The following LMNTD1 variants were observed in gnomAD, a reference collection of about 807,000 sequenced individuals.
The protein encoded by LMNTD1 is lamin tail domain containing 1, also known as lamin tail domain-containing protein 1.
LMNTD1 carries 35 observed loss-of-function variants against 50.9 expected under a neutral mutation model. The observed-to-expected ratio is 0.69, with a 90% CI of 0.53 to 0.91. The LOEUF is 0.91. Ranked by LOEUF, LMNTD1 falls within the 40% of genes least tolerant of loss-of-function variation. The pLI is 0.00. For missense variants in LMNTD1, 470 were observed against 475.5 expected (o/e 0.99, Z 0.11); for synonymous variants, 153 against 161.9 (o/e 0.94, Z 0.42).
At chr12:25,534,954 A>T (rs2136142276) in intron 4 of LMNTD1, among the ~76,000 whole-genome samples, 1 of 152,346 alleles carries the variant, frequency 6.6e-6, no homozygotes. Flanking sequence ...ATACAAAAAT[A>T]TTCTAGCCCC....
intron 4 of LMNTD1, among the ~76,000 whole-genome samples, chr12:25,542,321 CA>C (rs1169577525): frequency 6.6e-6 from 1 of 151,176 alleles, no homozygotes; most frequent in Non-Finnish European, 1.5e-5. Flanking sequence ...GGAACCAACC[CA>C]AATGTCCAAC....
intron 6 of LMNTD1, among the ~76,000 whole-genome samples, chr12:25,521,711 A>G (rs1941337993): frequency 1.3e-5 from 2 of 152,128 alleles, no homozygotes; most frequent in Admixed American, 1.3e-4. Flanking sequence ...TGAAAAAGTT[A>G]AGATTTTAAA....
At chr12:25,525,868 G>T (rs1941669384) in intron 6 of LMNTD1, among the ~76,000 whole-genome samples, 2 of 151,920 alleles carry the variant, frequency 1.3e-5, no homozygotes, top group Admixed American at 6.6e-5. Context: ...TGACAACATG[G>T]TTATCCATGT....
chr12:25,578,775 C>T lies in LMNTD1; in HGVS notation c.59-32221G>A, dbSNP rs535409839. 3.3e-5 allele frequency among the ~76,000 whole-genome samples: 5 copies of T among 152,280 alleles called. No individual in the cohort carries two copies. In the South Asian group the frequency reaches 6.2e-4, roughly 19 times the overall value. On this transcript the variant is annotated intron_variant, in intron 1 of 7. Transcript: ENST00000445693. ...AACATCCTTCAAAGACCTGTCTCAG[C>T]GATCTTTGCAAATCAAACTCACCTG...
At chr12:25,645,701 G>A (rs888237697) in intron 1 of LMNTD1, among the ~76,000 whole-genome samples, 4 of 152,186 alleles carry the variant, frequency 2.6e-5, no homozygotes, top group South Asian at 2.1e-4. Context: ...AAACCCAGCC[G>A]TGACATGTAG....
rs184547713 is a variant in LMNTD1, at chr12:25,503,893, T to C, written c.1190-93A>G. The stretch of plus-strand genomic sequence containing the variant: ...AGTATTCCAAGTATTGATTTTTCCA[T>C]GTTAAAACAAATCCTGGAATAAGCT... On this transcript the variant is annotated intron_variant, in intron 8 of 9. Transcript: ENST00000458174. 316 of 645,818 alleles carry C rather than the reference T, an allele frequency of 4.9e-4. No individual in the cohort carries two copies. The African/African-American group carries it at 5.3e-3, about 11-fold the overall frequency. The allele number at this position is 645,818 out of a possible 1,614,324, so 40.0% of individuals were successfully genotyped here. A position where few individuals can be genotyped will look rare whatever the true frequency, so the allele number is the denominator to read the frequency against.
At chr12:25,581,307 T>C (rs1945275989) in intron 1 of LMNTD1, among the ~76,000 whole-genome samples, 1 of 152,188 alleles carries the variant, frequency 6.6e-6, no homozygotes, top group East Asian at 1.9e-4. Context: ...GTTTAAAACA[T>C]CTGGATTCAT....
intron 1 of LMNTD1, among the ~76,000 whole-genome samples, chr12:25,559,657 A>C (rs914829211): frequency 5.3e-5 from 8 of 152,142 alleles, no homozygotes; most frequent in South Asian, 2.1e-4. Context: ...TTTACAGTCC[A>C]ACCAACAGTG....
At chr12:25,483,784 A>G (rs7953536) in intron 9 of LMNTD1, among the ~76,000 whole-genome samples, 28,460 of 151,786 alleles carry the variant, frequency 0.19, 3,016 homozygotes, top group Middle Eastern at 0.25. Flanking sequence ...AAAAAAAAAA[A>G]AAAGAATGCA....
chr12:25,601,753 ATAAGTTAATCC>A (rs1945982190), intron 1 of LMNTD1, among the ~76,000 whole-genome samples: 1 of 151,964 alleles, frequency 6.6e-6, no homozygotes, highest in Non-Finnish European at 1.5e-5. Context: ...TTGCTGCAAA[ATAAGTTAATCC>A]TTTTCTTTGA....
intron 4 of LMNTD1, among the ~76,000 whole-genome samples, chr12:25,527,640 C>CTATATATATATATATATATATA (rs61347000): frequency 1.6e-5 from 1 of 61,706 alleles, no homozygotes; most frequent in Non-Finnish European, 3.1e-5. Flanking sequence ...CTTAATAACA[C>CTATATATATATATATATATATA]TATATATATA....
chr12:25,550,893 A>G (rs1379492289), intron 2 of LMNTD1, among the ~76,000 whole-genome samples: 1 of 152,226 alleles, frequency 6.6e-6, no homozygotes, highest in Non-Finnish European at 1.5e-5. Context: ...GGCTTTGAAA[A>G]TGTCATGATT....
At chr12:25,503,856 AG>A in intron 8 of LMNTD1, 56 bp from the exon 9 acceptor site, 1 of 927,122 alleles carries the variant, frequency 1.1e-6, no homozygotes, top group East Asian at 2.6e-5. Flanking sequence ...GGGAAGGGCA[AG>A]AGTTCAGTCC....
chr12:25,594,533 G>A (rs1945790574), intron 1 of LMNTD1, among the ~76,000 whole-genome samples: 1 of 151,292 alleles, frequency 6.6e-6, no homozygotes, highest in South Asian at 2.1e-4. Context: ...CCACTACCAA[G>A]CTGAAACTAC....
At chr12:25,514,373 T>A (rs1160373563) in intron 8 of LMNTD1, among the ~76,000 whole-genome samples, 1 of 152,070 alleles carries the variant, frequency 6.6e-6, no homozygotes, top group Admixed American at 6.6e-5. Flanking sequence ...TAAAGACATA[T>A]ACAAAAAGCA....
At chr12:25,510,175 T>C (rs1430185769) in intron 8 of LMNTD1, among the ~76,000 whole-genome samples, 1 of 152,178 alleles carries the variant, frequency 6.6e-6, no homozygotes, top group Non-Finnish European at 1.5e-5. Flanking sequence ...CGCATTCATG[T>C]GGGATAATTT....
chr12:25,518,887 C>T lies in LMNTD1; in HGVS notation c.1097G>A (p.Cys366Tyr). Residue 366 changes from cysteine (C) to tyrosine (Y), a missense_variant, in exon 8 of 10, where the codon TGT becomes TAT. Cys to Tyr is a radical substitution (Grantham distance 194). Coordinates refer to ENST00000458174, the MANE Select transcript of LMNTD1 (RefSeq NM_001145728.2). The part of the protein sequence containing the change: ...QNPYVSAHPY[C>Y]PLIEPHNTST... ...TGTATTGTGTGGTTCAATCAGAGGA[C>T]AGTAAGGATGTGCAGAGACATAGGG... The T allele has an allele frequency of 6.2e-7, 1 of 1,613,998 alleles. No individual in the cohort carries two copies. Among genetic ancestry groups the T allele is most frequent in the Non-Finnish European group, 8.5e-7 (1 of 1,179,998 alleles).
chr12:25,574,640 G>T (rs1944928514), intron 1 of LMNTD1, among the ~76,000 whole-genome samples: 1 of 151,998 alleles, frequency 6.6e-6, no homozygotes, highest in Non-Finnish European at 1.5e-5. Flanking sequence ...ATTCATGGGG[G>T]CACACTTGCT....
At chr12:25,544,103 A>T (rs1413688862) in intron 4 of LMNTD1, among the ~76,000 whole-genome samples, 1 of 151,870 alleles carries the variant, frequency 6.6e-6, no homozygotes, top group Non-Finnish European at 1.5e-5. Flanking sequence ...CTAATGTGCA[A>T]CTTAACTCTG....
Sources: allele counts gnomAD v4.1 joint callset (sites outside exome capture counted in the v4.1 genomes callset), GRCh38; gene constraint gnomAD v4.1.1; transcripts MANE v1.5; gene names NCBI Gene and HGNC (gene_info 2026-07-23, HGNC 2026-07-21).